The following PTPRS variants were observed in gnomAD, a reference collection of about 807,000 sequenced individuals.
PTPRS encodes receptor-type tyrosine-protein phosphatase S.
PTPRS carries 63 observed loss-of-function variants against 215.3 expected under a neutral mutation model. The ratio of observed to expected loss-of-function variants is 0.29; its 90% CI spans 0.24 to 0.36. The LOEUF (loss-of-function observed/expected upper bound fraction) is 0.36, where lower values mean the gene tolerates loss of function less well. PTPRS is among the 10% of genes least tolerant of loss of function. The pLI, the probability that PTPRS is intolerant of heterozygous loss-of-function variation, is 1.00. For synonymous variants in PTPRS, 1,404 were observed against 1,191.4 expected (o/e 1.18, Z -3.68); for missense variants, 2,258 against 2,825.8 (o/e 0.80, Z 4.56).
intron 1 of PTPRS, among the ~76,000 whole-genome samples, chr19:5,304,368 T>A (rs1025697601): frequency 6.6e-6 from 1 of 152,148 alleles, no homozygotes; most frequent in Non-Finnish European, 1.5e-5. Context: ...TAATCCCAGC[T>A]ACTTGGGAAG....
chr19:5,262,817 A>C lies in PTPRS; in HGVS notation c.577+147T>G, dbSNP rs976310652. ...GGCTGAGGGGCCGGTCGCGGGGAGGAGGGAGAGGGCGTTAGTAAACATACC... is the reference window on the plus strand; with the variant it reads ...GGCTGAGGGGCCGGTCGCGGGGAGGCGGGAGAGGGCGTTAGTAAACATACC... On this transcript the variant is annotated intron_variant, in intron 6 of 37. Coordinates refer to ENST00000262963, the MANE Select transcript of PTPRS (RefSeq NM_002850.4). 10 of 818,338 alleles carry C rather than the reference A, an allele frequency of 1.2e-5. No homozygotes were observed. The African/African-American group carries it at 1.7e-4, about 14-fold the overall frequency. 50.7% of individuals were successfully genotyped at this position (818,338 alleles called of 1,614,324 possible). A position where few individuals can be genotyped will look rare whatever the true frequency, so the allele number is the denominator to read the frequency against.
chr19:5,318,756 G>C (rs1249368414), intron 1 of PTPRS, among the ~76,000 whole-genome samples: 1 of 152,142 alleles, frequency 6.6e-6, no homozygotes, highest in Non-Finnish European at 1.5e-5. Context: ...GGGCTCAAGT[G>C]ATCCTCCCGT....
At chr19:5,320,597 T>C (rs796567837) in intron 1 of PTPRS, among the ~76,000 whole-genome samples, 4 of 152,186 alleles carry the variant, frequency 2.6e-5, no homozygotes, top group Admixed American at 6.5e-5. Flanking sequence ...CTCATTTTTG[T>C]ATCTTTTTAG....
At chr19:5,255,201 GC>G (rs1249142983) in intron 9 of PTPRS, among the ~76,000 whole-genome samples, 1 of 152,170 alleles carries the variant, frequency 6.6e-6, no homozygotes, top group African/African-American at 2.4e-5. Context: ...GGAAAGAGGA[GC>G]TGGCCAGTGA....
In PTPRS at chr19:5,228,107, C is replaced by G. The variant is rs1184775889; in HGVS notation, c.2376+1209G>C. Among the ~76,000 whole-genome samples the G allele has an allele frequency of 4.6e-5, 7 of 152,108 alleles. No individual in the cohort carries two copies. The East Asian group carries it at 1.2e-3, about 26-fold the overall frequency. On this transcript the variant is annotated intron_variant, in intron 16 of 37. Coordinates refer to ENST00000262963, the MANE Select transcript of PTPRS (RefSeq NM_002850.4). ...AGCAGAGTTGAAGCCCAGGTGGGAACATTCCCTCTAGATCCAGTGTGGGTG... is the reference window on the plus strand; with the variant it reads ...AGCAGAGTTGAAGCCCAGGTGGGAAGATTCCCTCTAGATCCAGTGTGGGTG...
chr19:5,225,876 C>A (rs750855875), intron 16 of PTPRS, 32 bp from the exon 17 acceptor site: 1 of 1,583,636 alleles, frequency 6.3e-7, no homozygotes, highest in South Asian at 1.1e-5. Context: ...AGCACGACGG[C>A]TGGGGCTGGG....
intron 9 of PTPRS, among the ~76,000 whole-genome samples, chr19:5,255,265 C>T (rs1459783659): frequency 2.6e-5 from 4 of 152,234 alleles, no homozygotes; most frequent in African/African-American, 4.8e-5. Context: ...GTTCTGACCT[C>T]CTGCCATCTG....
chr19:5,290,511 G>A (rs1001583623), intron 1 of PTPRS, among the ~76,000 whole-genome samples: 4 of 152,134 alleles, frequency 2.6e-5, no homozygotes, highest in East Asian at 3.9e-4. Flanking sequence ...GTGCCCACGC[G>A]GTCCAGGAAG....
chr19:5,228,347 G>GAAAAAAAAAAAAAAAAAAAAAAAAA (rs71170899), intron 16 of PTPRS, among the ~76,000 whole-genome samples: 43 of 105,876 alleles, frequency 4.1e-4, no homozygotes, highest in African/African-American at 1.7e-3. Flanking sequence ...TCCGTCTGGA[G>GAAAAAAAAAAAAAAAAAAAAAAAAA]AAAAAAAAAA....
intron 2 of PTPRS, among the ~76,000 whole-genome samples, chr19:5,281,038 C>A (rs2047806041): frequency 6.6e-6 from 1 of 151,770 alleles, no homozygotes; most frequent in South Asian, 2.1e-4. Flanking sequence ...ATGATCCACC[C>A]ACCTCAGCCT....
Position 5,225,798 on chromosome 19 carries a change from G to C in PTPRS, c.2423C>G (p.Thr808Arg), listed in dbSNP as rs748896771. ...NLQPETAYSI[T>R]VAAYTMKGDG... ...GCCCTTCATGGTGTAGGCGGCTACCGTGATGGAGTACGCGGTCTCAGGCTG... is the reference window on the plus strand; with the variant it reads ...GCCCTTCATGGTGTAGGCGGCTACCCTGATGGAGTACGCGGTCTCAGGCTG... The change falls in exon 17 of 38, where the codon ACG becomes AGG. Residue 808 changes from threonine to arginine, a missense_variant. Around this residue, in one of 6 missense-constraint regions of PTPRS, gnomAD observed 371 missense variants for 446.7 expected, o/e 0.83. Coordinates refer to ENST00000262963, the MANE Select transcript of PTPRS (RefSeq NM_002850.4). 1.2e-6 allele frequency: 2 copies of C among 1,613,962 alleles called. No homozygotes were observed. The highest frequency in any genetic ancestry group is 1.7e-6 in the Non-Finnish European group (2 of 1,180,004).
Position 5,224,476 on chromosome 19 carries a change from C to T in PTPRS, c.2495-1179G>A, listed in dbSNP as rs146237837. Among the ~76,000 whole-genome samples the T allele has an allele frequency of 2.0e-4, 31 of 152,284 alleles. No individual in the cohort carries two copies. The Middle Eastern group carries it at 0.01, about 50-fold the overall frequency. On this transcript the variant is annotated intron_variant, in intron 17 of 37. Coordinates refer to ENST00000262963, the MANE Select transcript of PTPRS (RefSeq NM_002850.4). ...ATGGGACATAAAGAAATCCAAAATC[C>T]GCCCCTGCTCTTTGTTTCGCACAGC...
chr19:5,262,880 T>G, intron 6 of PTPRS, 84 bp downstream of exon 6: 1 of 1,390,422 alleles, frequency 7.2e-7, no homozygotes, highest in South Asian at 1.2e-5. Context: ...CGGTGGCTGT[T>G]AGTTTGGTGA....
At chr19:5,277,353 T>G (rs762789313) in intron 2 of PTPRS, among the ~76,000 whole-genome samples, 7 of 151,834 alleles carry the variant, frequency 4.6e-5, no homozygotes, top group African/African-American at 7.3e-5. Flanking sequence ...GAATACTACA[T>G]AAGTATAAAA....
chr19:5,306,685 A>G (rs1225447025), intron 1 of PTPRS, among the ~76,000 whole-genome samples: 2 of 152,058 alleles, frequency 1.3e-5, no homozygotes, highest in African/African-American at 4.8e-5. Context: ...GACATCTCCC[A>G]GGTCCCCTTG....
intron 1 of PTPRS, among the ~76,000 whole-genome samples, chr19:5,302,620 T>A (rs2049336282): frequency 6.6e-6 from 1 of 152,174 alleles, no homozygotes; most frequent in Non-Finnish European, 1.5e-5. Flanking sequence ...GAGATCACCC[T>A]GAATCTCCCT....
intron 7 of PTPRS, among the ~76,000 whole-genome samples, chr19:5,258,962 G>C (rs2045779245): frequency 6.6e-6 from 1 of 152,122 alleles, no homozygotes; most frequent in Admixed American, 6.5e-5. Flanking sequence ...TAACTGAATG[G>C]ACTTCTTCAA....
Position 5,215,313 on chromosome 19 carries a change from G to T in PTPRS, c.4294C>A (p.Arg1432Ser). The T allele has an allele frequency of 6.2e-7, 1 of 1,614,144 alleles. No homozygotes were observed. Among genetic ancestry groups the T allele is most frequent in the Non-Finnish European group, 8.5e-7 (1 of 1,180,002 alleles). ...YANVIAYDHS[R>S]VILQPIEGIM... is the part of the protein sequence containing the mutation. The stretch of plus-strand genomic sequence containing the variant: ...CCTTCAATGGGCTGGAGGATGACAC[G>T]GGAGTGGTCATAGGCGATGACGTTG... The change falls in exon 28 of 38, where the codon CGT becomes AGT. Residue 1432 changes from arginine (R) to serine (S), a missense_variant. Arg to Ser is a moderately radical substitution (Grantham distance 110, BLOSUM62 -1). Transcript: ENST00000262963.
rs1229192886 is a variant in PTPRS at position 5,339,974 on chromosome 19, A to T, written c.-95+690T>A. ...GGCTGGAAGGGGGCGCCGAGGCCGC[A>T]GAAGGGTGGGGCAATGCCCGAGTGC... On this transcript the variant is annotated intron_variant, in intron 1 of 37. Transcript: ENST00000262963. The surrounding 1 kb of genome is among the most constrained non-coding windows in gnomAD (Gnocchi z 4.2). 6.6e-6 allele frequency among the ~76,000 whole-genome samples: 1 copy of T among 150,938 alleles called. No homozygotes were observed. Among genetic ancestry groups the T allele is most frequent in the Non-Finnish European group, 1.5e-5 (1 of 67,548 alleles).
Sources: gnomAD v4.1 joint callset for allele counts (sites outside exome capture counted in the v4.1 genomes callset) on GRCh38, gnomAD v4.1.1 for gene constraint, gnomAD v4.1.1 regional missense constraint, Gnocchi (gnomAD v3.1) non-coding constraint, MANE v1.5 for transcripts, NCBI Gene and HGNC (gene_info 2026-07-23, HGNC 2026-07-21) for gene names.